The following NRXN3 variants were observed in gnomAD, a reference collection of about 807,000 sequenced individuals.
NRXN3 encodes neurexin 3.
NRXN3 carries 32 observed loss-of-function variants against 137.6 expected under a neutral mutation model. That is an observed-to-expected ratio of 0.23 (90% CI 0.18 to 0.31). NRXN3 has a LOEUF of 0.31. NRXN3 is among the 10% of genes least tolerant of loss of function. The pLI is 1.00. For missense variants in NRXN3, 1,574 were observed against 2,062.5 expected, an observed-to-expected ratio of 0.76 and a Z score of 4.59; for synonymous variants, 798 against 784.5, an observed-to-expected ratio of 1.02 and a Z score of -0.29.
intron 2 of NRXN3, among the ~76,000 whole-genome samples, chr14:78,265,224 AT>A (rs1243386127): frequency 6.6e-5 from 10 of 152,068 alleles, no homozygotes; most frequent in African/African-American, 1.9e-4. Flanking sequence ...TTGCTTTACA[AT>A]TTTTTTTCAA....
At chr14:78,507,679 T>A (rs1415727002) in intron 4 of NRXN3, among the ~76,000 whole-genome samples, 1 of 152,196 alleles carries the variant, frequency 6.6e-6, no homozygotes, top group East Asian at 1.9e-4. Context: ...CCTCTCGGAC[T>A]GTAATGAAAA....
chr14:78,709,263 C>A lies in NRXN3; in HGVS notation c.1268C>A (p.Ala423Asp). ...ATCCGTCTGGAGCTGTCTCGCCTGG[C>A]CCGGATTGCGGACACCAAGATGAAA... ...NDIRLELSRL[A>D]RIADTKMKIY... The change falls in exon 7 of 21, where the codon GCC becomes GAC. Residue 423 changes from alanine (A) to aspartate (D), a missense_variant. Physicochemically the swap from Ala to Asp is moderately radical, Grantham distance 126. Around this residue, in one of 5 missense-constraint regions of NRXN3, gnomAD observed 718 missense variants for 887.6 expected, o/e 0.81. Coordinates refer to ENST00000335750, the MANE Select transcript of NRXN3 (RefSeq NM_001330195.2). 1.1e-5 allele frequency: 18 copies of A among 1,614,062 alleles called. No homozygotes were observed. The highest frequency in any genetic ancestry group is 1.5e-5 in the Non-Finnish European group (18 of 1,179,986).
intron 9 of NRXN3, among the ~76,000 whole-genome samples, chr14:78,808,254 C>T (rs1011722830): frequency 3.9e-5 from 6 of 152,212 alleles, no homozygotes; most frequent in African/African-American, 1.4e-4. Flanking sequence ...AAGACCGCAT[C>T]CACTTTACAT....
chr14:78,915,345 CAAAAAAAAA>C (rs35908076), intron 10 of NRXN3, among the ~76,000 whole-genome samples: 7 of 11,190 alleles, frequency 6.3e-4, no homozygotes, highest in African/African-American at 1.7e-3. Context: ...ACGTGTGAAG[CAAAAAAAAA>C]AAAAAAAAAA....
At chr14:79,490,038 CAA>C (rs370581169) in intron 16 of NRXN3, among the ~76,000 whole-genome samples, 33 of 72,860 alleles carry the variant, frequency 4.5e-4, no homozygotes, top group East Asian at 2.2e-3. Flanking sequence ...TACTCCATCT[CAA>C]AAAAAAAAAA....
At chr14:79,551,158 T>C (rs1236567094) in intron 16 of NRXN3, among the ~76,000 whole-genome samples, 4 of 152,168 alleles carry the variant, frequency 2.6e-5, no homozygotes, top group Non-Finnish European at 5.9e-5. Flanking sequence ...CCTTTAAATG[T>C]TCAGAATAGT....
At position 78,703,737 on chromosome 14, in the gene NRXN3, C is replaced by T. The variant is rs372322045; in HGVS notation, c.1222-5480C>T. 9.2e-5 allele frequency: 14 copies of T among 152,342 alleles called. No homozygotes were observed. The South Asian group carries it at 1.4e-3, about 16-fold the overall frequency. 9.4% of individuals were successfully genotyped at this position (152,342 alleles called of 1,614,324 possible). ...AAAATGTCCACAGCGTCCTTACTTT[C>T]CAACATTCTCCACTGATGTGGAGTG... is the stretch of plus-strand genomic sequence containing the variant. On this transcript the variant is annotated intron_variant, in intron 6 of 20. Coordinates refer to ENST00000335750, the MANE Select transcript of NRXN3 (RefSeq NM_001330195.2).
At chr14:78,773,997 T>C (rs2098737110) in intron 8 of NRXN3, among the ~76,000 whole-genome samples, 1 of 152,200 alleles carries the variant, frequency 6.6e-6, no homozygotes, top group South Asian at 2.1e-4. Flanking sequence ...AGACGGAGTT[T>C]CACCACGTTG....
intron 4 of NRXN3, among the ~76,000 whole-genome samples, chr14:78,417,633 T>C (rs1212005170): frequency 6.6e-6 from 1 of 152,230 alleles, no homozygotes; most frequent in Non-Finnish European, 1.5e-5. Context: ...CAATAAATGT[T>C]TGTGGTATTA....
intron 19 of NRXN3, among the ~76,000 whole-genome samples, chr14:79,780,741 G>C (rs1202710062): frequency 6.6e-6 from 1 of 152,190 alleles, no homozygotes; most frequent in East Asian, 1.9e-4. Flanking sequence ...TTGTTAAGAT[G>C]TTGCTGATGC....
At chr14:78,620,158 A>G (rs2097386425) in intron 4 of NRXN3, among the ~76,000 whole-genome samples, 1 of 152,204 alleles carries the variant, frequency 6.6e-6, no homozygotes, top group South Asian at 2.1e-4. Context: ...TTGAGAATCA[A>G]TTAGTGGGTT....
At chr14:78,686,981 G>T (rs2098131178) in intron 6 of NRXN3, among the ~76,000 whole-genome samples, 1 of 152,146 alleles carries the variant, frequency 6.6e-6, no homozygotes, top group African/African-American at 2.4e-5. Flanking sequence ...GTTATATATG[G>T]TGGTATAAAT....
At chr14:78,320,145 G>T (rs2079153970) in intron 4 of NRXN3, among the ~76,000 whole-genome samples, 1 of 152,198 alleles carries the variant, frequency 6.6e-6, no homozygotes, top group South Asian at 2.1e-4. Flanking sequence ...TAGTTATTCA[G>T]TCTGCTCTGA....
chr14:78,285,977 A>T (rs919431435), intron 3 of NRXN3, among the ~76,000 whole-genome samples: 2 of 152,152 alleles, frequency 1.3e-5, no homozygotes, highest in Non-Finnish European at 2.9e-5. Flanking sequence ...AGTGTGAGTA[A>T]GGAGCTGCTT....
At chr14:78,220,831 C>T (rs2063775969) in intron 1 of NRXN3, among the ~76,000 whole-genome samples, 5 of 151,440 alleles carry the variant, frequency 3.3e-5, no homozygotes, top group Admixed American at 3.3e-4. Flanking sequence ...AGTGAGTAGC[C>T]AGAGGGGAGA....
In NRXN3 at chr14:78,499,134, TCTC is replaced by T. The variant is rs1418929531; in HGVS notation, c.758-145979_758-145977del. Among the ~76,000 whole-genome samples the T allele has an allele frequency of 2.6e-5, 4 of 152,154 alleles. No individual in the cohort carries two copies. The East Asian group carries it at 5.8e-4, about 22-fold the overall frequency. ...GTAAATGTGAGCTATTATTTCTCTT[TCTC>T]CTCCTCATTTTTAATTTTTTAAATA... On this transcript the variant is annotated intron_variant, in intron 4 of 20. Transcript: ENST00000335750.
At chr14:79,853,034 A>G (rs2099395139) in intron 20 of NRXN3, among the ~76,000 whole-genome samples, 1 of 152,140 alleles carries the variant, frequency 6.6e-6, no homozygotes, top group Non-Finnish European at 1.5e-5. Flanking sequence ...TCACATCCAC[A>G]TCTTTCAAAT....
intron 4 of NRXN3, among the ~76,000 whole-genome samples, chr14:78,364,708 T>TCC (rs2085644116): frequency 1.3e-5 from 2 of 152,150 alleles, no homozygotes; most frequent in African/African-American, 4.8e-5. Flanking sequence ...GATTTATGTG[T>TCC]TAGGTGATCT....
chr14:78,699,531 G>A (rs895058131), intron 6 of NRXN3, among the ~76,000 whole-genome samples: 25 of 152,252 alleles, frequency 1.6e-4, no homozygotes, highest in African/African-American at 5.3e-4. Flanking sequence ...TCTAGTCCTC[G>A]GAATAAAAAT....
Sources: gnomAD v4.1 joint callset for allele counts (sites outside exome capture counted in the v4.1 genomes callset) on GRCh38, gnomAD v4.1.1 for gene constraint, gnomAD v4.1.1 regional missense constraint, MANE v1.5 for transcripts, NCBI Gene and HGNC (gene_info 2026-07-23, HGNC 2026-07-21) for gene names.